RARB: variants seen among roughly 807,000 people sequenced by gnomAD.
RARB encodes retinoic acid receptor beta.
Under a neutral mutation model 51.9 loss-of-function variants are expected in RARB, and 17 were observed. The observed-to-expected ratio is 0.33, with a 90% CI of 0.22 to 0.49. The LOEUF (loss-of-function observed/expected upper bound fraction) is 0.49. Ranked by LOEUF, RARB falls within the 20% of genes least tolerant of loss-of-function variation. The probability of loss-of-function intolerance (pLI) is 0.99; values close to 1 mark genes in which losing one functional copy is unlikely to be tolerated. For missense variants in RARB, 369 were observed against 550.8 expected (o/e 0.67, Z 3.30); for synonymous variants, 215 against 195.4 (o/e 1.10, Z -0.84).
intron 4 of RARB, among the ~76,000 whole-genome samples, chr3:25,173,113 G>GGAGC (rs1336590541): frequency 6.6e-6 from 1 of 152,112 alleles, no homozygotes; most frequent in Non-Finnish European, 1.5e-5. Context: ...CTTAATATTG[G>GGAGC]TTATCAGGGC....
intron 5 of RARB, among the ~76,000 whole-genome samples, chr3:25,264,625 AT>A (rs1484973779): frequency 6.6e-6 from 1 of 152,224 alleles, no homozygotes; most frequent in Non-Finnish European, 1.5e-5. Context: ...ACATTTATTA[AT>A]TTTTATAAAG....
chr3:25,207,360 T>TTTGA, intron 5 of RARB, among the ~76,000 whole-genome samples: 1 of 152,326 alleles, frequency 6.6e-6, no homozygotes, highest in Non-Finnish European at 1.5e-5. Flanking sequence ...CAATGAGAAA[T>TTTGA]TTGAAAGTGG....
intron 5 of RARB, among the ~76,000 whole-genome samples, chr3:25,245,845 C>A (rs1488878380): frequency 1.3e-5 from 2 of 152,030 alleles, no homozygotes; most frequent in African/African-American, 2.4e-5. Context: ...TCTGTATTTC[C>A]TGAATTTGAA....
intron 2 of RARB, chr3:25,020,151 A>T (rs113268773): frequency 5.7e-5 from 1 of 17,462 alleles, no homozygotes; most frequent in South Asian, 1.8e-3. Context: ...TATTATTATT[A>T]TTATTTTATT....
chr3:25,468,297 G>C (rs1264168147), intron 2 of RARB, among the ~76,000 whole-genome samples: 7 of 149,152 alleles, frequency 4.7e-5, no homozygotes, highest in African/African-American at 1.5e-4. Flanking sequence ...TCCAGTGTTT[G>C]TACGTCCAAG....
At position 25,127,378 on chromosome 3, in the gene RARB, C is replaced by T. The variant is rs148945977; in HGVS notation, c.-327-4783C>T. Among the ~76,000 whole-genome samples, 1,062 of 152,268 alleles carry T rather than the reference C, an allele frequency of 7.0e-3. 4 individuals are homozygous for T. Among genetic ancestry groups the T allele is most frequent in the Non-Finnish European group, 0.011 (776 of 68,018 alleles). ...CCTTCCTGCCTTGGAGCTTTGCATT[C>T]GTGCTTCTCTCTGAAAAGCCTTTCC... On this transcript the variant is annotated intron_variant, in intron 3 of 11. Transcript: ENST00000383772.
intron 5 of RARB, among the ~76,000 whole-genome samples, chr3:25,185,383 A>G (rs555052496): frequency 2.4e-4 from 37 of 152,240 alleles, no homozygotes; most frequent in Non-Finnish European, 5.1e-4. Flanking sequence ...CGGGGTCTGC[A>G]TGTCACTTTG....
chr3:24,870,124 T>C (rs1202861953), intron 2 of RARB, among the ~76,000 whole-genome samples: 1 of 152,138 alleles, frequency 6.6e-6, no homozygotes, highest in African/African-American at 2.4e-5. Flanking sequence ...TAATTACTTG[T>C]GTTGCAAATA....
chr3:25,449,418 T>G (rs1228547003), intron 1 of RARB, among the ~76,000 whole-genome samples: 1 of 152,142 alleles, frequency 6.6e-6, no homozygotes, highest in African/African-American at 2.4e-5. Context: ...CTTCTTTCTT[T>G]TGAATTTTCC....
chr3:25,302,168 C>T (rs1575295940), intron 5 of RARB, among the ~76,000 whole-genome samples: 1 of 152,226 alleles, frequency 6.6e-6, no homozygotes, highest in East Asian at 1.9e-4. Context: ...AAGCCTCCTA[C>T]ATTGCTAGTG....
At chr3:25,197,784 CA>C (rs1156988196) in intron 5 of RARB, among the ~76,000 whole-genome samples, 2 of 151,574 alleles carry the variant, frequency 1.3e-5, no homozygotes, top group Admixed American at 6.6e-5. Flanking sequence ...GAAGAAGACA[CA>C]AAAAAATGGA....
chr3:25,174,439 C>T (rs1205977843), exon 5 of RARB: 1 of 1,352,136 alleles, frequency 7.4e-7, no homozygotes, highest in Admixed American at 1.9e-5. Context: ...CAGCAGTGAA[C>T]GGACACATGA....
rs1052852307 is a variant in RARB at position 25,546,322 on chromosome 3, A to G, written c.449-23436A>G. ...AGAGTGCCACACTGGGGTGAATAGCATCCAGGTGTCTGCTCCGTCGAGCAC... is the reference window on the plus strand; with the variant it reads ...AGAGTGCCACACTGGGGTGAATAGCGTCCAGGTGTCTGCTCCGTCGAGCAC... On this transcript the variant is annotated intron_variant, in intron 3 of 7. Coordinates refer to ENST00000330688, the MANE Select transcript of RARB (RefSeq NM_000965.5). Among the ~76,000 whole-genome samples the G allele has an allele frequency of 6.6e-5, 10 of 152,306 alleles. No individual in the cohort carries two copies. In the Middle Eastern group the frequency reaches 0.017, roughly 259 times the overall value.
chr3:25,530,048 A>G (rs1406807288), intron 3 of RARB, among the ~76,000 whole-genome samples: 4 of 151,836 alleles, frequency 2.6e-5, no homozygotes, highest in Non-Finnish European at 2.9e-5. Context: ...TCCCCTTCAT[A>G]CTATGATTAC....
intron 2 of RARB, among the ~76,000 whole-genome samples, chr3:25,469,138 C>T (rs1156499868): frequency 6.6e-6 from 1 of 152,202 alleles, no homozygotes; most frequent in Non-Finnish European, 1.5e-5. Context: ...AGAGGGAGGC[C>T]CTCATCTCCA....
intron 2 of RARB, among the ~76,000 whole-genome samples, chr3:25,001,554 G>A (rs1697160886): frequency 6.6e-6 from 1 of 152,134 alleles, no homozygotes; most frequent in South Asian, 2.1e-4. Flanking sequence ...GTGATTGACT[G>A]TGGCCCCACC....
chr3:25,051,508 A>G (rs577228625), intron 2 of RARB, among the ~76,000 whole-genome samples: 1 of 152,290 alleles, frequency 6.6e-6, no homozygotes, highest in South Asian at 2.1e-4. Context: ...ATTTGCAAAG[A>G]TCAAGCGGTA....
chr3:24,875,668 A>G (rs1459689008), intron 2 of RARB, among the ~76,000 whole-genome samples: 3 of 152,086 alleles, frequency 2.0e-5, no homozygotes, highest in Admixed American at 6.5e-5. Context: ...GTTCCCATGT[A>G]TCTTTACCCA....
At chr3:24,997,709 T>G (rs563029941) in intron 2 of RARB, among the ~76,000 whole-genome samples, 71 of 152,236 alleles carry the variant, frequency 4.7e-4, no homozygotes, top group Admixed American at 5.2e-4. Flanking sequence ...ATATAATTTA[T>G]TAAACTATAT....
Sources: allele counts gnomAD v4.1 joint callset (sites outside exome capture counted in the v4.1 genomes callset), GRCh38; gene constraint gnomAD v4.1.1; transcripts MANE v1.5; gene names NCBI Gene and HGNC (gene_info 2026-07-23, HGNC 2026-07-21).